Variants in ZNF618 observed in about 807,000 individuals in gnomAD.
ZNF618 encodes neural precursor cell expressed, developmentally down-regulated 10.
Under a neutral mutation model 103.0 loss-of-function variants are expected in ZNF618, and 34 were observed. The ratio of observed to expected loss-of-function variants is 0.33; its 90% confidence interval spans 0.25 to 0.44. ZNF618 has a LOEUF of 0.44. Ranked by LOEUF, ZNF618 falls within the 20% of genes least tolerant of loss-of-function variation. The pLI is 1.00. For synonymous variants in ZNF618, 551 were observed against 542.2 expected (o/e 1.02, Z -0.23); for missense variants, 1,059 against 1,295.4 (o/e 0.82, Z 2.80).
intron 1 of ZNF618, among the ~76,000 whole-genome samples, chr9:113,928,267 C>T (rs905297780): frequency 2.0e-5 from 3 of 152,170 alleles, no homozygotes; most frequent in African/African-American, 7.2e-5. Flanking sequence ...TCGTTTCATT[C>T]TTTCCTATAG....
chr9:113,890,816 G>C (rs1829554568), intron 1 of ZNF618, among the ~76,000 whole-genome samples: 1 of 152,152 alleles, frequency 6.6e-6, no homozygotes, highest in Admixed American at 6.5e-5. Flanking sequence ...CAAACTAATG[G>C]GGTTGAATAT....
In ZNF618 at chr9:114,028,734, T is replaced by C; in HGVS notation, c.846T>C (p.Ser282=). 6 of 1,549,978 alleles carry C rather than the reference T, an allele frequency of 3.9e-6. No homozygotes were observed. The highest frequency in any genetic ancestry group is 5.2e-6 in the Non-Finnish European group (6 of 1,146,748). Reference sequence around the variant, plus strand: ...GGACTGAGAGCGTGACCCTCTCAGGTACTGCCCCCGGGTGGGAGCCACCGG... The same window carrying C: ...GGACTGAGAGCGTGACCCTCTCAGGCACTGCCCCCGGGTGGGAGCCACCGG... ...QEHVALHAPI[S]TAPGWEPPDD... Residue 282 remains serine, a splice_region_variant and synonymous_variant, in exon 11 of 15, where the codon AGT becomes AGC. Transcript: ENST00000374126.
At chr9:113,995,678 C>T (rs7850217) in intron 3 of ZNF618, among the ~76,000 whole-genome samples, 88,924 of 151,954 alleles carry the variant, frequency 0.59, 26,533 homozygotes, top group Middle Eastern at 0.73. Context: ...ATGGTCTCTT[C>T]GCTGACAACT....
chr9:114,019,071 G>A (rs1335551783), intron 10 of ZNF618, among the ~76,000 whole-genome samples: 1 of 152,168 alleles, frequency 6.6e-6, no homozygotes, highest in African/African-American at 2.4e-5. Context: ...GACTGTGGAA[G>A]AATTTCTTAG....
At chr9:113,942,401 C>G (rs949855042) in intron 1 of ZNF618, among the ~76,000 whole-genome samples, 7 of 152,086 alleles carry the variant, frequency 4.6e-5, no homozygotes, top group Non-Finnish European at 1.0e-4. Flanking sequence ...AGGTAGGACG[C>G]AGGAGTTGAA....
chr9:113,993,196 C>T (rs7036001), intron 3 of ZNF618, among the ~76,000 whole-genome samples: 98,183 of 151,884 alleles, frequency 0.65, 32,155 homozygotes, highest in Middle Eastern at 0.76. Flanking sequence ...GGAGGAGGAG[C>T]AAACACAAGG....
intron 2 of ZNF618, among the ~76,000 whole-genome samples, chr9:113,971,631 A>G (rs1837976021): frequency 1.3e-5 from 2 of 152,236 alleles, no homozygotes; most frequent in Non-Finnish European, 2.9e-5. Flanking sequence ...TCTCTAATGC[A>G]TGAATCTCTC....
chr9:113,914,902 C>G (rs11790976), intron 1 of ZNF618, among the ~76,000 whole-genome samples: 5,692 of 152,256 alleles, frequency 0.037, 111 homozygotes, highest in African/African-American at 0.057. Context: ...CCAGCACTGG[C>G]CTCCAACCTG....
chr9:114,018,077 G>T (rs1348925299), intron 10 of ZNF618, among the ~76,000 whole-genome samples: 1 of 152,228 alleles, frequency 6.6e-6, no homozygotes, highest in Non-Finnish European at 1.5e-5. Context: ...GGTCTTTTCA[G>T]CCCAGGATCT....
In ZNF618 at chr9:113,948,961, G is replaced by C. The variant is rs7853673; in HGVS notation, c.34-20156G>C. Among the ~76,000 whole-genome samples the C allele has an allele frequency of 1.3e-5, 2 of 152,066 alleles. 1 individual carries two copies. The highest frequency in any genetic ancestry group is 4.8e-5 in the African/African-American group (2 of 41,384). On this transcript the variant is annotated intron_variant, in intron 1 of 14. Coordinates refer to ENST00000374126, the MANE Select transcript of ZNF618 (RefSeq NM_001318042.2). ...TTGCTATGAGATCATCTGTTCTCCC[G>C]CTTCTTCCCAAAAGGGGGAACTCAA...
chr9:113,981,932 C>T (rs1020979290), intron 2 of ZNF618, among the ~76,000 whole-genome samples: 2 of 152,128 alleles, frequency 1.3e-5, no homozygotes, highest in Admixed American at 6.5e-5. Flanking sequence ...CATCTGGCCA[C>T]GGAGCTCTTG....
At chr9:113,988,037 G>T (rs1309988370) in intron 2 of ZNF618, among the ~76,000 whole-genome samples, 2 of 152,184 alleles carry the variant, frequency 1.3e-5, no homozygotes, top group Non-Finnish European at 2.9e-5. Flanking sequence ...TGAGGCAACT[G>T]GGCACATCTA....
chr9:113,965,496 C>T (rs1564228446), intron 1 of ZNF618, among the ~76,000 whole-genome samples: 4 of 152,094 alleles, frequency 2.6e-5, no homozygotes, highest in South Asian at 4.2e-4. Flanking sequence ...CACCCTTATT[C>T]GGGGCTGGAG....
At position 114,053,801 on chromosome 9, in the gene ZNF618, A is replaced by C. The variant is rs991014477; in HGVS notation, c.*3634A>C. 6.6e-6 allele frequency: 1 copy of C among 152,210 alleles called. No homozygotes were observed. The highest frequency in any genetic ancestry group is 1.5e-5 in the Non-Finnish European group (1 of 68,064). The allele number at this position is 152,210 out of a possible 1,614,324, so 9.4% of individuals were successfully genotyped here. A position where few individuals can be genotyped will look rare whatever the true frequency, so the allele number is the denominator to read the frequency against. ...ATTTAGTAACCAGGAAACAAAACAC[A>C]TGCCACCTGAGCAAAACTGCCTGCA... On this transcript the variant is annotated 3_prime_UTR_variant, in exon 15 of 15. Transcript: ENST00000374126.
chr9:113,956,201 C>G (rs1836268283), intron 1 of ZNF618, among the ~76,000 whole-genome samples: 1 of 92,306 alleles, frequency 1.1e-5, no homozygotes, highest in South Asian at 4.5e-4. Flanking sequence ...GAGAGTTAAA[C>G]TCTGTCTCAA....
chr9:113,889,250 T>A (rs191706513), intron 1 of ZNF618, among the ~76,000 whole-genome samples: 7 of 152,080 alleles, frequency 4.6e-5, no homozygotes, highest in Admixed American at 1.3e-4. Flanking sequence ...TTCTCCATGC[T>A]CATATTTGGT....
chr9:114,028,499 C>T, intron 10 of ZNF618: 1 of 611,470 alleles, frequency 1.6e-6, no homozygotes, highest in Non-Finnish European at 2.8e-6. Context: ...TATGGGTGAC[C>T]TACACAGTGG....
chr9:113,927,817 C>T (rs533644509), intron 1 of ZNF618, among the ~76,000 whole-genome samples: 3 of 152,198 alleles, frequency 2.0e-5, no homozygotes, highest in Non-Finnish European at 4.4e-5. Flanking sequence ...CCTACCCCAC[C>T]ATGAGGAGAT....
At position 114,050,900 on chromosome 9, in the gene ZNF618, C is replaced by T. The variant is rs1846091605; in HGVS notation, c.*733C>T. On this transcript the variant is annotated 3_prime_UTR_variant, in exon 15 of 15. Coordinates refer to ENST00000374126, the MANE Select transcript of ZNF618 (RefSeq NM_001318042.2). ...CCTTTGAGATACCCCTTGGGTGTCC[C>T]GGGGCAGCCGCCTTAGAAACACACC... The T allele has an allele frequency of 6.6e-6, 1 of 152,598 alleles. No individual in the cohort carries two copies. The highest frequency in any genetic ancestry group is 1.5e-5 in the Non-Finnish European group (1 of 68,070). 9.5% of individuals were successfully genotyped at this position (152,598 alleles called of 1,614,324 possible).
Sources: gnomAD v4.1 joint callset for allele counts (sites outside exome capture counted in the v4.1 genomes callset) on GRCh38, gnomAD v4.1.1 for gene constraint, MANE v1.5 for transcripts, NCBI Gene and HGNC (gene_info 2026-07-23, HGNC 2026-07-21) for gene names.